NTRK2: variants seen among roughly 807,000 people sequenced by gnomAD.
NTRK2 encodes neurotrophic receptor tyrosine kinase 2, also known as BDNF/NT-3 growth factors receptor.
In NTRK2, 13 loss-of-function variants were observed where a neutral mutation model predicts 94.5. The ratio of observed to expected loss-of-function variants is 0.14; its 90% CI spans 0.09 to 0.22. The LOEUF is 0.22. NTRK2 is among the 10% of genes least tolerant of loss of function. NTRK2 has a pLI of 1.00. For missense variants in NTRK2, 639 were observed against 1,071.2 expected, an observed-to-expected ratio of 0.60 and a Z score of 5.63; for synonymous variants, 372 against 407.4, an observed-to-expected ratio of 0.91 and a Z score of 1.05.
At chr9:84,920,222 T>C (rs972141391) in intron 14 of NTRK2, among the ~76,000 whole-genome samples, 1 of 152,322 alleles carries the variant, frequency 6.6e-6, no homozygotes, top group Middle Eastern at 3.4e-3. Flanking sequence ...TTTTTCTCTT[T>C]ACAAATACTG....
chr9:84,810,690 A>G, intron 12 of NTRK2: 1 of 1,592,336 alleles, frequency 6.3e-7, no homozygotes, highest in Non-Finnish European at 8.6e-7. Context: ...AGTGCTGCTT[A>G]TCTGGGGTTT....
At chr9:84,704,655 T>G (rs1180079699) in intron 4 of NTRK2, among the ~76,000 whole-genome samples, 1 of 152,150 alleles carries the variant, frequency 6.6e-6, no homozygotes, top group Admixed American at 6.5e-5. Flanking sequence ...AAGAAGCAAT[T>G]GTTGGGATGT....
At chr9:84,962,665 G>T (rs548277883) in intron 17 of NTRK2, among the ~76,000 whole-genome samples, 49 of 152,158 alleles carry the variant, frequency 3.2e-4, no homozygotes, top group Admixed American at 5.9e-4. Flanking sequence ...ATGCCTCAAG[G>T]TCCTAAGAGG....
chr9:84,770,318 C>A (rs1459914810), intron 12 of NTRK2, among the ~76,000 whole-genome samples: 1 of 152,082 alleles, frequency 6.6e-6, no homozygotes, highest in Non-Finnish European at 1.5e-5. Context: ...TAAGACTGGG[C>A]AAACTCTGTG....
chr9:85,024,721 G>C lies in NTRK2; in HGVS notation c.*3284G>C, dbSNP rs1832946889. ...GAAATACAGGAGATGACAAGCAACTGAGATATTGTGATATATAATCATGCT... is the reference window on the plus strand; with the variant it reads ...GAAATACAGGAGATGACAAGCAACTCAGATATTGTGATATATAATCATGCT... On this transcript the variant is annotated 3_prime_UTR_variant, in exon 19 of 19. Transcript: ENST00000277120. The C allele has an allele frequency of 4.3e-6, 1 of 232,978 alleles. No homozygotes were observed. Among genetic ancestry groups the C allele is most frequent in the Non-Finnish European group, 8.5e-6 (1 of 117,950 alleles). 14.4% of individuals were successfully genotyped at this position (232,978 alleles called of 1,614,324 possible). A position where few individuals can be genotyped will look rare whatever the true frequency, so the allele number is the denominator to read the frequency against.
At chr9:84,967,848 T>C (rs1024569278) in intron 17 of NTRK2, among the ~76,000 whole-genome samples, 2 of 152,168 alleles carry the variant, frequency 1.3e-5, no homozygotes, top group African/African-American at 4.8e-5. Flanking sequence ...GAACATCCAC[T>C]CAAAGGAGAA....
At chr9:84,779,759 A>C (rs981741542) in intron 12 of NTRK2, among the ~76,000 whole-genome samples, 4 of 152,202 alleles carry the variant, frequency 2.6e-5, no homozygotes, top group African/African-American at 9.6e-5. Flanking sequence ...TGAGGCATTT[A>C]ATTAGATCAG....
chr9:84,877,005 T>C, intron 14 of NTRK2: 15 of 1,061,672 alleles, frequency 1.4e-5, no homozygotes, highest in Non-Finnish European at 1.7e-5. Flanking sequence ...TGGTGATACA[T>C]AGCTATGCCA....
chr9:85,017,937 AG>A (rs1461512170), intron 17 of NTRK2, among the ~76,000 whole-genome samples: 1 of 152,262 alleles, frequency 6.6e-6, no homozygotes, highest in Non-Finnish European at 1.5e-5. Context: ...GGTAGGAAGA[AG>A]GTTAAAATGA....
intron 13 of NTRK2, among the ~76,000 whole-genome samples, chr9:84,864,366 G>A (rs147525593): frequency 2.6e-5 from 4 of 152,082 alleles, no homozygotes; most frequent in African/African-American, 9.7e-5. Context: ...AGGGTGGGAG[G>A]GGGGTGAGGG....
At chr9:84,913,982 T>C (rs144601531) in intron 14 of NTRK2, among the ~76,000 whole-genome samples, 355 of 152,190 alleles carry the variant, frequency 2.3e-3, no homozygotes, top group African/African-American at 8.2e-3. Flanking sequence ...TCTTTAGTTT[T>C]TCCAGTCCAT....
At chr9:84,890,358 G>A (rs2076560732) in intron 14 of NTRK2, among the ~76,000 whole-genome samples, 1 of 152,210 alleles carries the variant, frequency 6.6e-6, no homozygotes, top group South Asian at 2.1e-4. Flanking sequence ...CCAGACTGGG[G>A]CTAATTGATT....
intron 17 of NTRK2, among the ~76,000 whole-genome samples, chr9:85,019,197 T>G (rs1367063516): frequency 6.6e-6 from 1 of 152,182 alleles, no homozygotes; most frequent in African/African-American, 2.4e-5. Context: ...AGAAACTCTA[T>G]GCACCATTAC....
Position 84,867,254 on chromosome 9 carries a change from G to A in NTRK2, c.1456G>A (p.Val486Ile), listed in dbSNP as rs201028496. 2.8e-5 allele frequency: 45 copies of A among 1,613,838 alleles called. No homozygotes were observed. Among genetic ancestry groups the A allele is most frequent in the South Asian group, 8.8e-5 (8 of 91,080 alleles). Residue 486 changes from valine to isoleucine, a missense_variant, in exon 14 of 19, where the codon GTT becomes ATT. Around this residue, in one of 5 missense-constraint regions of NTRK2, gnomAD observed 343 missense variants for 571.5 expected, o/e 0.60. Coordinates refer to ENST00000277120, the MANE Select transcript of NTRK2 (RefSeq NM_006180.6). ...TTTTCCATCTCCAGGCCCAGCCTCC[G>A]TTATCAGCAATGATGATGACTCTGC... ...KSRQGVGPASVISNDDDSASP... is the reference protein window; with the variant it reads ...KSRQGVGPASIISNDDDSASP...
At chr9:84,990,264 A>G (rs1028495032) in intron 17 of NTRK2, among the ~76,000 whole-genome samples, 1 of 152,230 alleles carries the variant, frequency 6.6e-6, no homozygotes, top group Admixed American at 6.5e-5. Context: ...GTCAAATGTC[A>G]TGTTGAGAGC....
chr9:84,889,228 G>C (rs2076523441), intron 14 of NTRK2, among the ~76,000 whole-genome samples: 1 of 149,754 alleles, frequency 6.7e-6, no homozygotes, highest in Non-Finnish European at 1.5e-5. Context: ...CTGACCTCGT[G>C]ATCCGCCCGC....
chr9:84,784,559 G>A (rs1003501661), intron 12 of NTRK2, among the ~76,000 whole-genome samples: 9 of 152,122 alleles, frequency 5.9e-5, no homozygotes, highest in African/African-American at 2.2e-4. Flanking sequence ...GTACATTTGG[G>A]TACGTGTATG....
intron 17 of NTRK2, among the ~76,000 whole-genome samples, chr9:84,998,015 C>T (rs1829947715): frequency 6.6e-6 from 1 of 152,224 alleles, no homozygotes; most frequent in African/African-American, 2.4e-5. Flanking sequence ...TTACATACCT[C>T]TCACCTCTTG....
At chr9:84,970,052 G>C (rs1826000988) in intron 17 of NTRK2, among the ~76,000 whole-genome samples, 1 of 152,160 alleles carries the variant, frequency 6.6e-6, no homozygotes, top group African/African-American at 2.4e-5. Flanking sequence ...TTGTGATCTT[G>C]AACAAGTGAC....
Sources: gnomAD v4.1 joint callset for allele counts (sites outside exome capture counted in the v4.1 genomes callset) on GRCh38, gnomAD v4.1.1 for gene constraint, gnomAD v4.1.1 regional missense constraint, MANE v1.5 for transcripts, NCBI Gene and HGNC (gene_info 2026-07-23, HGNC 2026-07-21) for gene names.